The following ADGRF5 variants were observed in gnomAD, a reference collection of about 807,000 sequenced individuals.
ADGRF5 encodes the protein adhesion G protein-coupled receptor F5, also known as G-protein coupled receptor 116.
Under a neutral mutation model 132.3 loss-of-function variants are expected in ADGRF5, and 75 were observed. The ratio of observed to expected loss-of-function variants is 0.57; its 90% confidence interval spans 0.47 to 0.69. The LOEUF is 0.69. Ranked by LOEUF, ADGRF5 falls within the 30% of genes least tolerant of loss-of-function variation. ADGRF5 has a pLI of 0.00. For missense variants in ADGRF5, 1,516 were observed against 1,630.6 expected, an observed-to-expected ratio of 0.93 and a Z score of 1.21; for synonymous variants, 629 against 597.6, an observed-to-expected ratio of 1.05 and a Z score of -0.77.
chr6:46,940,935 C>T (rs1184246788), intron 1 of ADGRF5, among the ~76,000 whole-genome samples: 2 of 152,178 alleles, frequency 1.3e-5, no homozygotes, highest in Non-Finnish European at 1.5e-5. Context: ...CTAAGAATCA[C>T]TCAAATAGTT....
intron 11 of ADGRF5, among the ~76,000 whole-genome samples, chr6:46,869,805 C>T (rs1770848095): frequency 6.6e-6 from 1 of 152,148 alleles, no homozygotes. Flanking sequence ...GTCAGGTAAA[C>T]TGGGATGTAC....
At chr6:46,889,650 T>C (rs1354282466) in intron 3 of ADGRF5, among the ~76,000 whole-genome samples, 1 of 146,570 alleles carries the variant, frequency 6.8e-6, no homozygotes, top group Non-Finnish European at 1.5e-5. Flanking sequence ...TTGACTATGG[T>C]AGTCTATATT....
At chr6:46,913,425 G>C (rs939254353) in intron 1 of ADGRF5, among the ~76,000 whole-genome samples, 3 of 151,940 alleles carry the variant, frequency 2.0e-5, no homozygotes, top group Non-Finnish European at 4.4e-5. Context: ...CTTCAACCCA[G>C]GAGGTGGAGA....
intron 1 of ADGRF5, among the ~76,000 whole-genome samples, chr6:46,909,459 C>T (rs899827336): frequency 1.3e-5 from 2 of 152,350 alleles, no homozygotes; most frequent in East Asian, 1.9e-4. Context: ...TCTCCTCTGA[C>T]TCTATTTTCC....
intron 17 of ADGRF5, among the ~76,000 whole-genome samples, chr6:46,857,537 A>G (rs745612378): frequency 6.6e-6 from 1 of 152,192 alleles, no homozygotes; most frequent in Non-Finnish European, 1.5e-5. Context: ...TAGTTCTTCT[A>G]ACAAACTGGC....
At chr6:46,948,411 A>G (rs1778375047) in intron 1 of ADGRF5, among the ~76,000 whole-genome samples, 2 of 152,130 alleles carry the variant, frequency 1.3e-5, no homozygotes, top group South Asian at 4.1e-4. Flanking sequence ...ATAAAGGATC[A>G]GAAACTGGCC....
At chr6:46,892,940 G>A (rs975658782) in intron 3 of ADGRF5, among the ~76,000 whole-genome samples, 2 of 151,900 alleles carry the variant, frequency 1.3e-5, no homozygotes, top group African/African-American at 4.8e-5. Flanking sequence ...GGAGACACAG[G>A]GTGAATAAAA....
chr6:46,888,442 G>A lies in ADGRF5; in HGVS notation c.221C>T (p.Ala74Val), dbSNP rs1773280655. The part of the protein sequence containing the change: ...TVNIEISFEN[A>V]SFLDPIKAYL... ...GGCTTTGATAGGATCCAGGAAGGATGCATTTTCAAAACTGATCTCAATATT... is the reference window on the plus strand; with the variant it reads ...GGCTTTGATAGGATCCAGGAAGGATACATTTTCAAAACTGATCTCAATATT... Residue 74 changes from alanine (A) to valine (V), a missense_variant, in exon 4 of 21, where the codon GCA becomes GTA. Ala to Val is a moderately conservative substitution (Grantham distance 64, BLOSUM62 0). Around this residue, in one of 2 missense-constraint regions of ADGRF5, gnomAD observed 945 missense variants for 929.4 expected, o/e 1.02. Transcript: ENST00000283296. 3 of 1,611,478 alleles carry A rather than the reference G, an allele frequency of 1.9e-6. No homozygotes were observed. Among genetic ancestry groups the A allele is most frequent in the Non-Finnish European group, 2.5e-6 (3 of 1,177,708 alleles).
chr6:46,891,786 A>G (rs1372536329), intron 3 of ADGRF5, among the ~76,000 whole-genome samples: 1 of 152,218 alleles, frequency 6.6e-6, no homozygotes, highest in African/African-American at 2.4e-5. Flanking sequence ...GCCAAGCCAA[A>G]GCATCAAGAA....
At chr6:46,933,431 G>A (rs534226075) in intron 1 of ADGRF5, among the ~76,000 whole-genome samples, 124 of 152,240 alleles carry the variant, frequency 8.1e-4, no homozygotes, top group African/African-American at 2.9e-3. Context: ...TGTCTCCCCA[G>A]GTCCAAGTTG....
chr6:46,951,440 G>A (rs73470878), intron 1 of ADGRF5, among the ~76,000 whole-genome samples: 4,741 of 152,246 alleles, frequency 0.031, 93 homozygotes, highest in Non-Finnish European at 0.046. Flanking sequence ...CTCTATGGAA[G>A]GGCAAAGCAT....
At chr6:46,875,024 C>G (rs1243506233) in intron 10 of ADGRF5, among the ~76,000 whole-genome samples, 1 of 152,186 alleles carries the variant, frequency 6.6e-6, no homozygotes, top group Non-Finnish European at 1.5e-5. Context: ...AGAAGACTTG[C>G]ATTAGACAGC....
At chr6:46,937,245 TGTGTGTGA>T (rs1477844111) in intron 1 of ADGRF5, among the ~76,000 whole-genome samples, 1 of 151,916 alleles carries the variant, frequency 6.6e-6, no homozygotes, top group South Asian at 2.1e-4. Flanking sequence ...TGTGTGTGTG[TGTGTGTGA>T]GTGTGTGTGT....
chr6:46,953,483 G>A (rs541656544), intron 1 of ADGRF5, among the ~76,000 whole-genome samples: 10 of 151,714 alleles, frequency 6.6e-5, no homozygotes, highest in Non-Finnish European at 1.2e-4. Flanking sequence ...ATAGCTGGGC[G>A]TGGTGGTGCG....
Position 46,854,210 on chromosome 6 carries a change from T to C in ADGRF5, c.3962-139A>G, listed in dbSNP as rs1768779406. ...CCATGCCTGGAAACCAACCCATACCTGCCCTCCTCCCAAGACCCAGAAATG... is the reference window on the plus strand; with the variant it reads ...CCATGCCTGGAAACCAACCCATACCCGCCCTCCTCCCAAGACCCAGAAATG... On this transcript the variant is annotated intron_variant, in intron 20 of 20. Coordinates refer to ENST00000283296, the MANE Select transcript of ADGRF5 (RefSeq NM_001098518.2). 7.0e-6 allele frequency: 4 copies of C among 570,912 alleles called. No homozygotes were observed. The South Asian group carries it at 9.1e-5, about 13-fold the overall frequency. 35.4% of individuals were successfully genotyped at this position (570,912 alleles called of 1,614,324 possible).
In ADGRF5 at chr6:46,869,095, G is replaced by GA. The variant is rs763469875; in HGVS notation, c.1412-4dup. 12 of 1,612,260 alleles carry GA rather than the reference G, an allele frequency of 7.4e-6. No homozygotes were observed. The highest frequency in any genetic ancestry group is 9.3e-6 in the Non-Finnish European group (11 of 1,178,890). On this transcript the variant is annotated splice_region_variant and splice_polypyrimidine_tract_variant and intron_variant, in intron 11 of 20. Transcript: ENST00000283296. ...GTCCGGGGTTATTGTTAGATTGGCT[G>GA]AAAAAAAGGCAAACAAAACAGACAA... is the stretch of plus-strand genomic sequence containing the variant.
chr6:46,953,687 A>ATC lies in ADGRF5; in HGVS notation c.-25+1046_-25+1047insGA, dbSNP rs1554131451. Among the ~76,000 whole-genome samples, 27 of 130,260 alleles carry ATC rather than the reference A, an allele frequency of 2.1e-4. 1 individual carries two copies. Among genetic ancestry groups the ATC allele is most frequent in the African/African-American group, 4.5e-4 (16 of 35,716 alleles). The allele number at this position is 130,260 out of a possible 152,430, so 85.5% of individuals were successfully genotyped here. A position where few individuals can be genotyped will look rare whatever the true frequency, so the allele number is the denominator to read the frequency against. On this transcript the variant is annotated intron_variant, in intron 1 of 20. Transcript: ENST00000265417. The stretch of plus-strand genomic sequence containing the variant: ...TATATATATATATATATATATATAT[A>ATC]TATCTCACTGACAGTGGCATTATTA...
chr6:46,873,368 G>A (rs1349333596), intron 10 of ADGRF5, among the ~76,000 whole-genome samples: 1 of 151,968 alleles, frequency 6.6e-6, no homozygotes, highest in Admixed American at 6.6e-5. Context: ...CTCCTCTACC[G>A]AAAGTGTTCC....
intron 1 of ADGRF5, among the ~76,000 whole-genome samples, chr6:46,944,909 C>A (rs765216437): frequency 2.9e-4 from 44 of 152,132 alleles, no homozygotes; most frequent in Admixed American, 1.6e-3. Context: ...GGAATCTGTA[C>A]TGGCTCAGTG....
Sources: gnomAD v4.1 joint callset for allele counts (sites outside exome capture counted in the v4.1 genomes callset) on GRCh38, gnomAD v4.1.1 for gene constraint, gnomAD v4.1.1 regional missense constraint, MANE v1.5 for transcripts, NCBI Gene and HGNC (gene_info 2026-07-23, HGNC 2026-07-21) for gene names.